Variants in USP4 observed in about 807,000 individuals in gnomAD.
USP4 encodes the protein ubiquitin specific peptidase 4, also known as ubiquitin carboxyl-terminal hydrolase 4.
Under a neutral mutation model 118.2 loss-of-function variants are expected in USP4, and 72 were observed. That is an observed-to-expected ratio of 0.61 (90% CI 0.50 to 0.74). The LOEUF (loss-of-function observed/expected upper bound fraction) is 0.74, where lower values mean the gene tolerates loss of function less well. Ranked by LOEUF, USP4 falls within the 30% of genes least tolerant of loss-of-function variation. USP4 has a pLI of 0.00. For missense variants in USP4, 1,037 were observed against 1,185.7 expected (o/e 0.87, Z 1.84); for synonymous variants, 415 against 440.4 (o/e 0.94, Z 0.72).
chr3:49,316,994 G>A, intron 6 of USP4: 1 of 714,118 alleles, frequency 1.4e-6, no homozygotes, highest in South Asian at 1.7e-5. Flanking sequence ...AAAGAAGGCA[G>A]CTGCTGCCAT....
Position 49,294,457 on chromosome 3 carries a change from C to T in USP4, c.1833G>A (p.Lys611=). The T allele has an allele frequency of 1.9e-6, 3 of 1,614,166 alleles. No homozygotes were observed. Among genetic ancestry groups the T allele is most frequent in the Non-Finnish European group, 2.5e-6 (3 of 1,180,010 alleles). ...ACAAAGACTCAAGGGTTAACTTGTG[C>T]TTGGGGACAGAAAGCAATAGTGGCT... ...YGQPLLLSVP[K]HKLTLESLYQ... Residue 611 remains lysine, a synonymous_variant, in exon 14 of 22, where the codon AAG becomes AAA. Coordinates refer to ENST00000265560, the MANE Select transcript of USP4 (RefSeq NM_003363.4).
At chr3:49,331,649 C>T (rs567404163) in intron 2 of USP4, among the ~76,000 whole-genome samples, 5 of 152,176 alleles carry the variant, frequency 3.3e-5, no homozygotes, top group South Asian at 2.1e-4. Flanking sequence ...CAAAAATATT[C>T]GGTATACCAT....
At chr3:49,297,519 T>C (rs758259921) in intron 13 of USP4, among the ~76,000 whole-genome samples, 4 of 152,196 alleles carry the variant, frequency 2.6e-5, no homozygotes, top group Admixed American at 1.3e-4. Context: ...ACCACACCCC[T>C]ACTACCATCT....
chr3:49,331,597 G>T (rs2047618021), intron 2 of USP4, among the ~76,000 whole-genome samples: 1 of 152,084 alleles, frequency 6.6e-6, no homozygotes, highest in Admixed American at 6.6e-5. Flanking sequence ...TTCCAGCCTG[G>T]GCGACACAGC....
chr3:49,327,561 CA>C, intron 3 of USP4, 124 bp downstream of exon 3: 1 of 996,964 alleles, frequency 1.0e-6, no homozygotes, highest in Non-Finnish European at 1.4e-6. Flanking sequence ...GATCCAGAAA[CA>C]AGGCCTCAAG....
chr3:49,338,719 T>A (rs2047699459), intron 1 of USP4, among the ~76,000 whole-genome samples: 1 of 151,548 alleles, frequency 6.6e-6, no homozygotes, highest in Non-Finnish European at 1.5e-5. Flanking sequence ...AGTACCTCTG[T>A]TTACCCTGCC....
Position 49,285,281 on chromosome 3 carries a change from A to G in USP4, c.2201-362T>C, listed in dbSNP as rs551683543. Among the ~76,000 whole-genome samples, 4 of 152,196 alleles carry G rather than the reference A, an allele frequency of 2.6e-5. No individual in the cohort carries two copies. In the South Asian group the frequency reaches 8.3e-4, roughly 32 times the overall value. On this transcript the variant is annotated intron_variant, in intron 16 of 21. Coordinates refer to ENST00000265560, the MANE Select transcript of USP4 (RefSeq NM_003363.4). ...ATTGTTTTCAGACATTGGATAGAGCAGGAAGGAGATCCCTGACAGAAGGAA... is the reference window on the plus strand; with the variant it reads ...ATTGTTTTCAGACATTGGATAGAGCGGGAAGGAGATCCCTGACAGAAGGAA...
chr3:49,334,233 A>T (rs2047647274), intron 2 of USP4, among the ~76,000 whole-genome samples: 1 of 152,226 alleles, frequency 6.6e-6, no homozygotes. Flanking sequence ...TAATAAAGCA[A>T]AGCACAATAA....
intron 8 of USP4, 151 bp from the exon 9 acceptor site, chr3:49,306,039 C>T (rs776419751): frequency 5.0e-5 from 38 of 752,966 alleles, no homozygotes; most frequent in Non-Finnish European, 7.4e-5. Context: ...TAAAGCACAG[C>T]CTCAAGGAGG....
chr3:49,330,261 G>C (rs1044512195), intron 2 of USP4, among the ~76,000 whole-genome samples: 1 of 152,088 alleles, frequency 6.6e-6, no homozygotes, highest in African/African-American at 2.4e-5. Flanking sequence ...TAGTAGGCAT[G>C]AAACAACATT....
At chr3:49,280,219 G>A (rs1289383555) in intron 20 of USP4, among the ~76,000 whole-genome samples, 1 of 151,864 alleles carries the variant, frequency 6.6e-6, no homozygotes, top group African/African-American at 2.4e-5. Context: ...AGCCGAGACT[G>A]CGCCACTGCT....
intron 3 of USP4, 26 bp downstream of exon 3, chr3:49,327,660 C>A (rs1381295875): frequency 6.2e-7 from 1 of 1,613,214 alleles, no homozygotes; most frequent in Admixed American, 1.7e-5. Flanking sequence ...CAGTGACCAG[C>A]AGGTGGGACA....
intron 9 of USP4, among the ~76,000 whole-genome samples, chr3:49,304,922 C>A (rs1348273642): frequency 1.3e-5 from 2 of 151,984 alleles, no homozygotes; most frequent in Non-Finnish European, 2.9e-5. Context: ...CACCACCACG[C>A]CTGGCTAATT....
chr3:49,331,041 G>A (rs997468705), intron 2 of USP4, among the ~76,000 whole-genome samples: 5 of 151,658 alleles, frequency 3.3e-5, no homozygotes, highest in Non-Finnish European at 7.4e-5. Context: ...ATATTGGGAG[G>A]CCGGGCGTGG....
chr3:49,338,498 A>C (rs1451618905), intron 1 of USP4, among the ~76,000 whole-genome samples: 1 of 151,844 alleles, frequency 6.6e-6, no homozygotes, highest in Non-Finnish European at 1.5e-5. Context: ...GTCTCTACTA[A>C]AAATACAAAA....
At chr3:49,287,950 T>G (rs1446648597) in intron 15 of USP4, among the ~76,000 whole-genome samples, 2 of 152,062 alleles carry the variant, frequency 1.3e-5, no homozygotes, top group Non-Finnish European at 2.9e-5. Flanking sequence ...ATCAAATAAG[T>G]AACTTTAGCA....
chr3:49,299,286 C>A (rs968576294), intron 11 of USP4, among the ~76,000 whole-genome samples: 3 of 151,466 alleles, frequency 2.0e-5, no homozygotes, highest in African/African-American at 7.3e-5. Context: ...GACAGGGTTT[C>A]ACCATGTTGG....
chr3:49,318,457 G>A (rs2047464451), intron 6 of USP4: 3 of 985,294 alleles, frequency 3.0e-6, no homozygotes, highest in Non-Finnish European at 3.6e-6. Context: ...GACGTTAAAG[G>A]GAAAGAGAGA....
chr3:49,281,361 C>A (rs1575598733), intron 19 of USP4, among the ~76,000 whole-genome samples: 1 of 151,794 alleles, frequency 6.6e-6, no homozygotes, highest in East Asian at 1.9e-4. Context: ...GAGGCTGAGG[C>A]AGGAGAATGG....
Sources: gnomAD v4.1 joint callset for allele counts (sites outside exome capture counted in the v4.1 genomes callset) on GRCh38, gnomAD v4.1.1 for gene constraint, MANE v1.5 for transcripts, NCBI Gene and HGNC (gene_info 2026-07-23, HGNC 2026-07-21) for gene names.